EIF3K: variants seen among roughly 807,000 people sequenced by gnomAD.
EIF3K encodes eIF-3 p28.
A neutral mutation model predicts 34.2 loss-of-function variants in EIF3K; 27 were observed. The ratio of observed to expected loss-of-function variants is 0.79; its 90% confidence interval spans 0.58 to 1.09. EIF3K has a LOEUF of 1.09. Among genes scored for constraint, EIF3K ranks in the 50% least tolerant of loss-of-function variants. The pLI, the probability that EIF3K is intolerant of heterozygous loss-of-function variation, is 0.00. For synonymous variants in EIF3K, 105 were observed against 105.7 expected, an observed-to-expected ratio of 0.99 and a Z score of 0.04; for missense variants, 232 against 275.4, an observed-to-expected ratio of 0.84 and a Z score of 1.11.
Position 38,632,473 on chromosome 19 carries a change from G to A in EIF3K, c.398G>A (p.Gly133Asp). ...ENMDLLEGITGFEDSVRKFIC... is the reference protein window; with the variant it reads ...ENMDLLEGITDFEDSVRKFIC... ...ATGGACCTCTTGGAAGGTATAACTG[G>A]CTTTGAAGACTCTGTCCGAAAGTGT... The change falls in exon 5 of 8, where the codon GGC becomes GAC. Residue 133 changes from glycine to aspartate, a missense_variant. Coordinates refer to ENST00000248342, the MANE Select transcript of EIF3K (RefSeq NM_013234.4). 1 of 1,614,214 alleles carries A rather than the reference G, an allele frequency of 6.2e-7. No individual in the cohort carries two copies. Among genetic ancestry groups the A allele is most frequent in the Non-Finnish European group, 8.5e-7 (1 of 1,180,028 alleles).
Position 38,624,110 on chromosome 19 carries a change from G to T in EIF3K, c.192G>T (p.Thr64=). The T allele has an allele frequency of 6.2e-7, 1 of 1,614,090 alleles. No homozygotes were observed. ...TCAACCCAGCCTTCTTTCAGACCACGGTCACCGCCCAGATCCTGCTGAAGG... is the reference window on the plus strand; with the variant it reads ...TCAACCCAGCCTTCTTTCAGACCACTGTCACCGCCCAGATCCTGCTGAAGG... ...YQFNPAFFQT[T]VTAQILLKAL... The change falls in exon 3 of 8, where the codon ACG becomes ACT. Residue 64 remains threonine, a synonymous_variant. Coordinates refer to ENST00000248342, the MANE Select transcript of EIF3K (RefSeq NM_013234.4).
At chr19:38,635,210 T>G in intron 7 of EIF3K, 92 bp downstream of exon 7, 1 of 1,568,016 alleles carries the variant, frequency 6.4e-7, no homozygotes, top group East Asian at 2.2e-5. Flanking sequence ...TGGGTAGATC[T>G]GCTCGTGTTC....
At chr19:38,619,379 G>T in intron 1 of EIF3K, 52 bp downstream of exon 1, 1 of 1,603,274 alleles carries the variant, frequency 6.2e-7, no homozygotes, top group East Asian at 2.3e-5. Flanking sequence ...GGAGGAGAGG[G>T]TTTTCCGGAG....
intron 4 of EIF3K, among the ~76,000 whole-genome samples, chr19:38,627,512 A>G (rs1218246557): frequency 1.3e-5 from 2 of 151,886 alleles, no homozygotes; most frequent in African/African-American, 4.8e-5. Flanking sequence ...TAAAAATACA[A>G]AATTAGCTGG....
At chr19:38,635,316 G>A (rs1004626115) in intron 7 of EIF3K, 198 bp downstream of exon 7, 2 of 732,916 alleles carry the variant, frequency 2.7e-6, no homozygotes, top group Non-Finnish European at 4.4e-6. Flanking sequence ...ATCTTCCCTG[G>A]AACTTCTAGG....
At position 38,627,480 on chromosome 19, in the gene EIF3K, C is replaced by T. The variant is rs535025783; in HGVS notation, c.354+1378C>T. On this transcript the variant is annotated intron_variant, in intron 4 of 7. Transcript: ENST00000248342. ...GGGAGTTCGAGACCAGCCTGACCAA[C>T]GTGGAGAAATACTGTCTTAACTAAA... is the stretch of plus-strand genomic sequence containing the variant. 5.2e-4 allele frequency among the ~76,000 whole-genome samples: 79 copies of T among 151,838 alleles called. 1 individual carries two copies. The highest frequency in any genetic ancestry group is 1.8e-3 in the African/African-American group (73 of 41,454).
chr19:38,635,373 GC>G, intron 7 of EIF3K: 2 of 539,784 alleles, frequency 3.7e-6, no homozygotes, highest in Non-Finnish European at 6.6e-6. Context: ...CTGGGGCCCA[GC>G]GGGGCCTCAC....
intron 6 of EIF3K, among the ~76,000 whole-genome samples, chr19:38,633,136 G>A (rs575622014): frequency 1.3e-5 from 2 of 152,246 alleles, no homozygotes; most frequent in East Asian, 1.9e-4. Flanking sequence ...GACTTGTAAC[G>A]TTCATGGGTA....
chr19:38,624,231 G>A (rs755826872), intron 3 of EIF3K, 34 bp downstream of exon 3: 1 of 1,613,326 alleles, frequency 6.2e-7, no homozygotes, highest in Non-Finnish European at 8.5e-7. Context: ...GGGGGTGTGT[G>A]GGAAGGGGTC....
rs746518687 is a variant in EIF3K, at chr19:38,632,623, CACTT to C, written c.447_450del (p.Tyr150SerfsTer20). ...CAGTTATCTGCCATGTTGTGGGTAT[CACTT>C]ACCAGCACATTGACCGCTGGCTGCT... On this transcript the variant is annotated frameshift_variant, in exon 6 of 8. Coordinates refer to ENST00000248342, the MANE Select transcript of EIF3K (RefSeq NM_013234.4). LOFTEE classifies it high-confidence loss of function. 3 of 1,613,952 alleles carry C rather than the reference CACTT, an allele frequency of 1.9e-6. No individual in the cohort carries two copies. The highest frequency in any genetic ancestry group is 1.7e-5 in the Admixed American group (1 of 59,970).
intron 2 of EIF3K, among the ~76,000 whole-genome samples, chr19:38,622,729 C>T (rs1599730506): frequency 6.6e-6 from 1 of 152,226 alleles, no homozygotes; most frequent in Admixed American, 6.5e-5. Flanking sequence ...CCTCTGCAAT[C>T]TCGACTATAA....
intron 1 of EIF3K, among the ~76,000 whole-genome samples, chr19:38,619,848 C>T (rs1303807692): frequency 6.6e-6 from 1 of 152,184 alleles, no homozygotes; most frequent in Non-Finnish European, 1.5e-5. Context: ...GTCTGAGTTC[C>T]CTTTCCATAA....
At chr19:38,636,438 G>T (rs1028532394) in intron 7 of EIF3K, among the ~76,000 whole-genome samples, 1 of 152,056 alleles carries the variant, frequency 6.6e-6, no homozygotes, top group Non-Finnish European at 1.5e-5. Flanking sequence ...AGCCAAGATC[G>T]CTCCACTGCA....
chr19:38,636,476 G>T (rs1403248990), intron 7 of EIF3K, among the ~76,000 whole-genome samples: 1 of 152,030 alleles, frequency 6.6e-6, no homozygotes, highest in Non-Finnish European at 1.5e-5. Context: ...GAATGAGACT[G>T]TGTCTCAAAA....
intron 2 of EIF3K, among the ~76,000 whole-genome samples, chr19:38,621,623 G>A (rs1177289597): frequency 6.6e-6 from 1 of 152,138 alleles, no homozygotes; most frequent in Non-Finnish European, 1.5e-5. Context: ...TTTATGTGAT[G>A]GTTTACTATG....
intron 3 of EIF3K, among the ~76,000 whole-genome samples, chr19:38,625,272 C>T (rs928089121): frequency 6.6e-6 from 1 of 151,778 alleles, no homozygotes; most frequent in Admixed American, 6.6e-5. Flanking sequence ...TCAAGCTATT[C>T]TGTCTCAGCC....
chr19:38,636,771 A>G, intron 7 of EIF3K, 118 bp from the exon 8 acceptor site: 1 of 1,198,454 alleles, frequency 8.3e-7, no homozygotes, highest in Non-Finnish European at 1.2e-6. Flanking sequence ...TGTGATGGTA[A>G]CTGGGGCCTG....
intron 4 of EIF3K, chr19:38,632,211 T>A: frequency 1.9e-6 from 1 of 514,072 alleles, no homozygotes; most frequent in Non-Finnish European, 3.5e-6. Flanking sequence ...AGCCCAGGAG[T>A]TTGAGATCAG....
chr19:38,634,467 G>A (rs1418038393), intron 6 of EIF3K, among the ~76,000 whole-genome samples: 6 of 151,464 alleles, frequency 4.0e-5, no homozygotes, highest in East Asian at 3.9e-4. Flanking sequence ...GCGTGGTGGC[G>A]CATGCCTATA....
Sources: gnomAD v4.1 joint callset for allele counts (sites outside exome capture counted in the v4.1 genomes callset) on GRCh38, gnomAD v4.1.1 for gene constraint, MANE v1.5 for transcripts, NCBI Gene and HGNC (gene_info 2026-07-23, HGNC 2026-07-21) for gene names.